Variants in ASIC1 observed in about 807,000 individuals in gnomAD.
The protein encoded by ASIC1 is acid sensing ion channel subunit 1.
In ASIC1, 21 loss-of-function variants were observed where a neutral mutation model predicts 63.4. That is an observed-to-expected ratio of 0.33 (90% confidence interval 0.23 to 0.48). The LOEUF (loss-of-function observed/expected upper bound fraction) is 0.48. Ranked by LOEUF, ASIC1 falls within the 20% of genes least tolerant of loss-of-function variation. ASIC1 has a pLI of 0.99. For missense variants in ASIC1, 478 were observed against 695.5 expected, an observed-to-expected ratio of 0.69 and a Z score of 3.52; for synonymous variants, 258 against 278.2, an observed-to-expected ratio of 0.93 and a Z score of 0.72.
At position 50,081,597 on chromosome 12, in the gene ASIC1, A is replaced by G. The variant is rs2137853993; in HGVS notation, c.1535A>G (p.Asn512Ser). ...CCTGCCGGGATGACATACGCTGCCA[A>G]CATCCTACCTCACCATCCGGCCCGA... ...GHPAGMTYAA[N>S]ILPHHPARGT... Residue 512 changes from asparagine to serine, a missense_variant, in exon 12 of 12, where the codon AAC (asparagine) becomes AGC (serine). Physicochemically the swap from Asn to Ser is conservative, Grantham distance 46. Around this residue, in one of 3 missense-constraint regions of ASIC1, gnomAD observed 104 missense variants for 97.0 expected, o/e 1.07. Coordinates refer to ENST00000447966, the MANE Select transcript of ASIC1 (RefSeq NM_001095.4). 1 of 1,614,100 alleles carries G rather than the reference A, an allele frequency of 6.2e-7. No homozygotes were observed. Among genetic ancestry groups the G allele is most frequent in the Non-Finnish European group, 8.5e-7 (1 of 1,180,006 alleles).
In ASIC1 at chr12:50,074,174, AC is replaced by A. The variant is rs953254042; in HGVS notation, c.559-3037del. 6.5e-7 allele frequency: 1 copy of A among 1,534,006 alleles called. No homozygotes were observed. The highest frequency in any genetic ancestry group is 1.4e-5 in the African/African-American group (1 of 72,962). On this transcript the variant is annotated intron_variant, in intron 3 of 11. Coordinates refer to ENST00000447966, the MANE Select transcript of ASIC1 (RefSeq NM_001095.4). This position sits in a 1 kb window ranked among gnomAD's most constrained non-coding sequence, Gnocchi z 4.2. Reference sequence around the variant, plus strand: ...CACCGCTTCTACAATCGCTCCTGCCACCGGCTGGAGGACATGCTGCTCTATT... The same window carrying A: ...CACCGCTTCTACAATCGCTCCTGCCACGGCTGGAGGACATGCTGCTCTATT...
At position 50,071,423 on chromosome 12, in the gene ASIC1, C is replaced by T. The variant is rs1435717707; in HGVS notation, c.559-5790C>T. Among the ~76,000 whole-genome samples the T allele has an allele frequency of 2.0e-5, 3 of 151,064 alleles. No homozygotes were observed. In the South Asian group the frequency reaches 6.3e-4, roughly 32 times the overall value. ...CTGGGACCACAGGCGCCTGCCAGCA[C>T]ACCTGGCTAAATTTTTTTGGTTTTT... On this transcript the variant is annotated intron_variant, in intron 3 of 11. Transcript: ENST00000447966.
At chr12:50,080,996 C>A in intron 9 of ASIC1, 106 bp from the exon 10 acceptor site, 2 of 1,068,810 alleles carry the variant, frequency 1.9e-6, no homozygotes, top group Non-Finnish European at 2.7e-6. Context: ...TGTGCGAAGG[C>A]TACCAATCCC....
At position 50,078,659 on chromosome 12, in the gene ASIC1, C is replaced by T. The variant is rs1016684488; in HGVS notation, c.994+82C>T. On this transcript the variant is annotated intron_variant, in intron 6 of 11. Coordinates refer to ENST00000447966, the MANE Select transcript of ASIC1 (RefSeq NM_001095.4). This position sits in a 1 kb window ranked among gnomAD's most constrained non-coding sequence, Gnocchi z 6.0. Reference sequence around the variant, plus strand: ...ACTAGCTCCCCATCCATATCAATCTCCCAACCCCAGTTCCAGCCCACCCCA... The same window carrying T: ...ACTAGCTCCCCATCCATATCAATCTTCCAACCCCAGTTCCAGCCCACCCCA... 8.2e-6 allele frequency: 13 copies of T among 1,579,588 alleles called. No homozygotes were observed. Among genetic ancestry groups the T allele is most frequent in the South Asian group, 6.8e-5 (6 of 88,096 alleles).
chr12:50,076,379 A>G (rs984654008), intron 3 of ASIC1, among the ~76,000 whole-genome samples: 2 of 152,048 alleles, frequency 1.3e-5, no homozygotes, highest in Non-Finnish European at 2.9e-5. Flanking sequence ...AGGCAGGAGA[A>G]TCACTTGAGC....
intron 3 of ASIC1, among the ~76,000 whole-genome samples, chr12:50,064,641 G>A (rs1950530118): frequency 6.6e-6 from 1 of 152,214 alleles, no homozygotes; most frequent in Admixed American, 6.5e-5. Context: ...CCCAGCTGGT[G>A]GAGAACTCCT....
intron 3 of ASIC1, chr12:50,073,886 G>C (rs1950625603): frequency 7.2e-6 from 11 of 1,534,016 alleles, no homozygotes; most frequent in Non-Finnish European, 9.6e-6. Context: ...CTGGCACTGG[G>C]TGCCTTCCTG....
At chr12:50,073,612 T>A in intron 3 of ASIC1, 1 of 1,534,092 alleles carries the variant, frequency 6.5e-7, no homozygotes, top group Non-Finnish European at 8.7e-7. Flanking sequence ...CTGCTCCATG[T>A]CATTCTCCTC....
At chr12:50,063,948 G>C (rs939926377) in intron 3 of ASIC1, among the ~76,000 whole-genome samples, 40 of 152,108 alleles carry the variant, frequency 2.6e-4, no homozygotes, top group African/African-American at 9.4e-4. Flanking sequence ...CTTACTACTG[G>C]GGTCTGCACC....
chr12:50,061,358 A>G (rs1463939212), intron 3 of ASIC1, among the ~76,000 whole-genome samples: 2 of 152,234 alleles, frequency 1.3e-5, no homozygotes, highest in Non-Finnish European at 2.9e-5. Flanking sequence ...GACAAAGTTC[A>G]CATGACTGCA....
rs1045643144 is a variant in ASIC1, at chr12:50,057,681, G to T, written c.-252G>T. 9 of 151,572 alleles carry T rather than the reference G, an allele frequency of 5.9e-5. No individual in the cohort carries two copies. Among genetic ancestry groups the T allele is most frequent in the African/African-American group, 2.2e-4 (9 of 41,380 alleles). 9.4% of individuals were successfully genotyped at this position (151,572 alleles called of 1,614,324 possible). On this transcript the variant is annotated 5_prime_UTR_variant, in exon 1 of 12. Coordinates refer to ENST00000447966, the MANE Select transcript of ASIC1 (RefSeq NM_001095.4). This position sits in a 1 kb window ranked among gnomAD's most constrained non-coding sequence, Gnocchi z 4.7. ...GAGCACCGCGCACCGCGCCGAGCCC[G>T]GGCAGACCGAGCCGAGGCGAGCGAG...
In ASIC1 at chr12:50,073,473, C is replaced by T. The variant is rs974175865; in HGVS notation, c.559-3740C>T. The T allele has an allele frequency of 5.5e-5, 78 of 1,426,338 alleles. 1 individual carries two copies. The South Asian group carries it at 9.2e-4, about 17-fold the overall frequency. The allele number at this position is 1,426,338 out of a possible 1,614,324, so 88.4% of individuals were successfully genotyped here. A position where few individuals can be genotyped will look rare whatever the true frequency, so the allele number is the denominator to read the frequency against. On this transcript the variant is annotated intron_variant, in intron 3 of 11. Transcript: ENST00000447966. ...CAGCTGGGCTGAGATACCTGGCTGA[C>T]GGGCTGGGTGGCTGGCTCTGCCGGA...
chr12:50,064,498 T>C (rs1337148658), intron 3 of ASIC1, among the ~76,000 whole-genome samples: 1 of 152,208 alleles, frequency 6.6e-6, no homozygotes, highest in Non-Finnish European at 1.5e-5. Context: ...AGCTAAGAAC[T>C]ACTCTAAGCT....
chr12:50,067,893 A>C (rs844347), intron 3 of ASIC1, among the ~76,000 whole-genome samples: 48,803 of 151,990 alleles, frequency 0.32, 9,565 homozygotes, highest in Middle Eastern at 0.46. Context: ...TTAAATCATA[A>C]GAGTACAATG....
rs751340096 is a variant in ASIC1 at position 50,059,117 on chromosome 12, G to T, written c.351G>T (p.Leu117=). The T allele has an allele frequency of 1.2e-6, 2 of 1,613,210 alleles. No homozygotes were observed. Among genetic ancestry groups the T allele is most frequent in the Admixed American group, 3.3e-5 (2 of 60,010 alleles). ...DLYHAGELLA[L]LNNRYEIPDT... ...ATCATGCTGGGGAGCTGCTGGCCCT[G>T]CTCAACAACAGGTGGGTGGCTCCCA... is the stretch of plus-strand genomic sequence containing the variant. Residue 117 remains leucine (L), a synonymous_variant, in exon 2 of 12, where the codon CTG becomes CTT. Coordinates refer to ENST00000447966, the MANE Select transcript of ASIC1 (RefSeq NM_001095.4). This position sits in a 1 kb window ranked among gnomAD's most constrained non-coding sequence, Gnocchi z 4.6.
At chr12:50,061,778 A>G (rs1950503237) in intron 3 of ASIC1, among the ~76,000 whole-genome samples, 1 of 152,206 alleles carries the variant, frequency 6.6e-6, no homozygotes, top group East Asian at 1.9e-4. Flanking sequence ...CCAAGTGGTG[A>G]TGCTAAGATA....
Position 50,078,639 on chromosome 12 carries a change from C to T in ASIC1, c.994+62C>T. 1.3e-6 allele frequency: 2 copies of T among 1,598,898 alleles called. No individual in the cohort carries two copies. Among genetic ancestry groups the T allele is most frequent in the East Asian group, 2.2e-5 (1 of 44,760 alleles). On this transcript the variant is annotated intron_variant, in intron 6 of 11. Coordinates refer to ENST00000447966, the MANE Select transcript of ASIC1 (RefSeq NM_001095.4). This position sits in a 1 kb window ranked among gnomAD's most constrained non-coding sequence, Gnocchi z 6.0. Reference sequence around the variant, plus strand: ...CTGGGCCTTTGCTGCCCTTCACTAGCTCCCCATCCATATCAATCTCCCAAC... The same window carrying T: ...CTGGGCCTTTGCTGCCCTTCACTAGTTCCCCATCCATATCAATCTCCCAAC...
Position 50,057,717 on chromosome 12 carries a change from A to G in ASIC1, c.-216A>G, listed in dbSNP as rs1950457799. The G allele has an allele frequency of 6.6e-6, 1 of 151,122 alleles. No individual in the cohort carries two copies. The highest frequency in any genetic ancestry group is 2.4e-5 in the African/African-American group (1 of 41,256). The allele number at this position is 151,122 out of a possible 1,614,324, so 9.4% of individuals were successfully genotyped here. The stretch of plus-strand genomic sequence containing the variant: ...GCCGAGGCGAGCGAGCCAGCGAGCC[A>G]GCGCGCGCGGGCGGGCGGACAGATC... On this transcript the variant is annotated 5_prime_UTR_variant, in exon 1 of 12. Coordinates refer to ENST00000447966, the MANE Select transcript of ASIC1 (RefSeq NM_001095.4). The surrounding 1 kb of genome is among the most constrained non-coding windows in gnomAD (Gnocchi z 4.7).
At position 50,057,780 on chromosome 12, in the gene ASIC1, G is replaced by T. The variant is rs990890878; in HGVS notation, c.-153G>T. 3 of 149,636 alleles carry T rather than the reference G, an allele frequency of 2.0e-5. No individual in the cohort carries two copies. Among genetic ancestry groups the T allele is most frequent in the Non-Finnish European group, 4.5e-5 (3 of 67,130 alleles). 9.3% of individuals were successfully genotyped at this position (149,636 alleles called of 1,614,324 possible). On this transcript the variant is annotated 5_prime_UTR_variant, in exon 1 of 12. Coordinates refer to ENST00000447966, the MANE Select transcript of ASIC1 (RefSeq NM_001095.4). This position sits in a 1 kb window ranked among gnomAD's most constrained non-coding sequence, Gnocchi z 4.7. ...GGCCGGGCGGGGCGCTCCCTGCAGG[G>T]CTCTGCGCGGCGTGCCGCGGCGGCC...
Sources: gnomAD v4.1 joint callset for allele counts (sites outside exome capture counted in the v4.1 genomes callset) on GRCh38, gnomAD v4.1.1 for gene constraint, gnomAD v4.1.1 regional missense constraint, Gnocchi (gnomAD v3.1) non-coding constraint, MANE v1.5 for transcripts, NCBI Gene and HGNC (gene_info 2026-07-23, HGNC 2026-07-21) for gene names.